GRIK4: variants seen among roughly 807,000 people sequenced by gnomAD.
The protein encoded by GRIK4 is glutamate ionotropic receptor kainate type subunit 4, also known as glutamate receptor ionotropic, kainate 4.
Under a neutral mutation model 104.9 loss-of-function variants are expected in GRIK4, and 40 were observed. The observed-to-expected ratio is 0.38, with a 90% CI of 0.30 to 0.50. The LOEUF (loss-of-function observed/expected upper bound fraction) is 0.50. GRIK4 is among the 20% of genes least tolerant of loss of function. The pLI is 0.93. For synonymous variants in GRIK4, 485 were observed against 524.9 expected (o/e 0.92, Z 1.04); for missense variants, 1,047 against 1,308.1 (o/e 0.80, Z 3.08).
intron 1 of GRIK4, among the ~76,000 whole-genome samples, chr11:120,581,468 C>T (rs1452074303): frequency 6.6e-6 from 1 of 152,164 alleles, no homozygotes; most frequent in Non-Finnish European, 1.5e-5. Context: ...TACAGTTCAG[C>T]AGTGTTAAGT....
chr11:120,961,138 C>A, intron 17 of GRIK4, 64 bp downstream of exon 17: 1 of 1,422,762 alleles, frequency 7.0e-7, no homozygotes, highest in South Asian at 1.2e-5. Flanking sequence ...AGATGTTTCT[C>A]TGCTGGAGAT....
intron 17 of GRIK4, among the ~76,000 whole-genome samples, chr11:120,961,702 G>A (rs1264713929): frequency 6.6e-6 from 1 of 152,232 alleles, no homozygotes; most frequent in Non-Finnish European, 1.5e-5. Context: ...AAGACTGACA[G>A]CCAGACCAGA....
intron 19 of GRIK4, among the ~76,000 whole-genome samples, chr11:120,974,822 C>CA (rs1215539906): frequency 6.6e-6 from 1 of 152,202 alleles, no homozygotes; most frequent in East Asian, 1.9e-4. Flanking sequence ...CTGGAGATTA[C>CA]AAAAAGGAAC....
At chr11:120,738,536 A>G (rs1951267527) in intron 3 of GRIK4, among the ~76,000 whole-genome samples, 1 of 152,170 alleles carries the variant, frequency 6.6e-6, no homozygotes, top group African/African-American at 2.4e-5. Flanking sequence ...ATCACCGTTC[A>G]TCCCCCACCC....
intron 6 of GRIK4, among the ~76,000 whole-genome samples, chr11:120,828,522 A>G (rs890176936): frequency 6.6e-6 from 1 of 152,036 alleles, no homozygotes; most frequent in Non-Finnish European, 1.5e-5. Flanking sequence ...CCTGTAATGT[A>G]GTCACTCCCC....
intron 13 of GRIK4, among the ~76,000 whole-genome samples, chr11:120,929,900 TG>T (rs1943445150): frequency 6.6e-6 from 1 of 152,140 alleles, no homozygotes; most frequent in Admixed American, 6.5e-5. Context: ...CTGGTTCTAA[TG>T]TTCCAGCCTC....
At chr11:120,578,696 T>C (rs1948521640) in intron 1 of GRIK4, among the ~76,000 whole-genome samples, 1 of 152,232 alleles carries the variant, frequency 6.6e-6, no homozygotes, top group African/African-American at 2.4e-5. Flanking sequence ...CCCCTCGGCC[T>C]TGGGAGCTGG....
chr11:120,763,065 G>C (rs1190743373), intron 3 of GRIK4, among the ~76,000 whole-genome samples: 2 of 152,056 alleles, frequency 1.3e-5, no homozygotes, highest in Non-Finnish European at 2.9e-5. Flanking sequence ...CTGTGAATCT[G>C]TCTTGTCCTG....
At chr11:120,784,347 C>CTGTT (rs2135479581) in intron 3 of GRIK4, among the ~76,000 whole-genome samples, 1 of 152,314 alleles carries the variant, frequency 6.6e-6, no homozygotes, top group Admixed American at 6.5e-5. Flanking sequence ...AGACAGATAA[C>CTGTT]TCCAAGGTGG....
chr11:120,866,375 G>A (rs1954411776), intron 9 of GRIK4, among the ~76,000 whole-genome samples: 1 of 152,212 alleles, frequency 6.6e-6, no homozygotes, highest in Admixed American at 6.5e-5. Context: ...GCTCTTCTGT[G>A]TGCAAAGCAC....
chr11:120,885,322 CTG>C (rs1216279152), intron 11 of GRIK4, among the ~76,000 whole-genome samples: 5 of 152,094 alleles, frequency 3.3e-5, no homozygotes, highest in Non-Finnish European at 7.4e-5. Flanking sequence ...AGAAGTGAGT[CTG>C]TGAGATTTTC....
chr11:120,881,098 A>G (rs1453679109), intron 11 of GRIK4, among the ~76,000 whole-genome samples: 1 of 152,182 alleles, frequency 6.6e-6, no homozygotes, highest in Non-Finnish European at 1.5e-5. Context: ...CAGTTCGTCT[A>G]GGTTGTCTAT....
At chr11:120,912,884 G>C (rs545921310) in intron 13 of GRIK4, among the ~76,000 whole-genome samples, 1 of 152,316 alleles carries the variant, frequency 6.6e-6, no homozygotes, top group South Asian at 2.1e-4. Context: ...GGCTGGAGAT[G>C]ATGGAGCATT....
chr11:120,617,977 G>A (rs1456242160), intron 1 of GRIK4, among the ~76,000 whole-genome samples: 1 of 152,166 alleles, frequency 6.6e-6, no homozygotes, highest in Non-Finnish European at 1.5e-5. Context: ...AAGCAACTTT[G>A]GAACTGGGTA....
intron 19 of GRIK4, among the ~76,000 whole-genome samples, chr11:120,978,120 T>C (rs1003772170): frequency 2.0e-5 from 3 of 152,210 alleles, no homozygotes; most frequent in East Asian, 1.9e-4. Context: ...GCTCATTCTT[T>C]CCACAAACAT....
intron 3 of GRIK4, among the ~76,000 whole-genome samples, chr11:120,714,834 C>A (rs1284636535): frequency 6.6e-6 from 1 of 152,116 alleles, no homozygotes; most frequent in South Asian, 2.1e-4. Flanking sequence ...AGGAAGCGGT[C>A]AGATCATAAA....
chr11:120,663,928 C>T (rs1949861541), intron 3 of GRIK4, among the ~76,000 whole-genome samples: 1 of 152,200 alleles, frequency 6.6e-6, no homozygotes, highest in Non-Finnish European at 1.5e-5. Flanking sequence ...ACCATTCCCC[C>T]ATTCCCCCAG....
intron 12 of GRIK4, among the ~76,000 whole-genome samples, chr11:120,900,919 G>A (rs1170731174): frequency 6.6e-6 from 1 of 152,178 alleles, no homozygotes; most frequent in African/African-American, 2.4e-5. Context: ...AGTCCACTTT[G>A]GGGGAGGGGG....
At chr11:120,515,667 G>A (rs1489037485) in intron 1 of GRIK4, among the ~76,000 whole-genome samples, 1 of 152,232 alleles carries the variant, frequency 6.6e-6, no homozygotes, top group Non-Finnish European at 1.5e-5. Flanking sequence ...TCCCAGCAGA[G>A]CGAGGCTGTT....
Sources: allele counts gnomAD v4.1 joint callset (sites outside exome capture counted in the v4.1 genomes callset), GRCh38; gene constraint gnomAD v4.1.1; transcripts MANE v1.5; gene names NCBI Gene and HGNC (gene_info 2026-07-23, HGNC 2026-07-21).